The following KIAA1217 variants were observed in gnomAD, a reference collection of about 807,000 sequenced individuals.
The protein encoded by KIAA1217 is KIAA1217.
Under a neutral mutation model 163.9 loss-of-function variants are expected in KIAA1217, and 88 were observed. The ratio of observed to expected loss-of-function variants is 0.54; its 90% CI spans 0.45 to 0.64. KIAA1217 has a LOEUF of 0.64. Ranked by LOEUF, KIAA1217 falls within the 30% of genes least tolerant of loss-of-function variation. KIAA1217 has a pLI of 0.00. For synonymous variants in KIAA1217, 903 were observed against 923.1 expected (o/e 0.98, Z 0.39); for missense variants, 2,372 against 2,475.0 (o/e 0.96, Z 0.88).
At chr10:24,491,330 C>T in intron 6 of KIAA1217, among the ~76,000 whole-genome samples, 1 of 134,104 alleles carries the variant, frequency 7.5e-6, no homozygotes, top group Non-Finnish European at 1.5e-5. Flanking sequence ...CGCTCTGTCT[C>T]CCAGGCTGGA....
chr10:23,985,696 A>G (rs72649703), intron 1 of KIAA1217, among the ~76,000 whole-genome samples: 4,321 of 152,272 alleles, frequency 0.028, 168 homozygotes, highest in East Asian at 0.13. Flanking sequence ...TGAAACAAGT[A>G]TGTGGTTTTC....
intron 2 of KIAA1217, among the ~76,000 whole-genome samples, chr10:24,082,030 C>A (rs2061553505): frequency 6.6e-6 from 1 of 152,140 alleles, no homozygotes; most frequent in Admixed American, 6.6e-5. Context: ...CTCAATCTGG[C>A]ATTCATGTCG....
intron 2 of KIAA1217, among the ~76,000 whole-genome samples, chr10:24,110,467 T>C (rs2062805431): frequency 6.6e-6 from 1 of 152,190 alleles, no homozygotes; most frequent in African/African-American, 2.4e-5. Context: ...TGGCATCCCT[T>C]GAGTGGTGAA....
chr10:23,740,223 GAAAT>G (rs1190354350), intron 1 of KIAA1217, among the ~76,000 whole-genome samples: 2 of 152,152 alleles, frequency 1.3e-5, no homozygotes, highest in African/African-American at 4.8e-5. Context: ...TGCTGATAGA[GAAAT>G]AGATATGTTG....
intron 2 of KIAA1217, among the ~76,000 whole-genome samples, chr10:24,174,500 G>A (rs1476672637): frequency 6.6e-6 from 1 of 152,144 alleles, no homozygotes; most frequent in Non-Finnish European, 1.5e-5. Flanking sequence ...AACCAAGAAA[G>A]GCTTTGGGCT....
At chr10:23,791,645 A>G (rs941178516) in intron 1 of KIAA1217, among the ~76,000 whole-genome samples, 3 of 152,260 alleles carry the variant, frequency 2.0e-5, no homozygotes, top group African/African-American at 7.2e-5. Context: ...GAAAAATTAA[A>G]AAGTAATTTT....
rs751665913 is a variant in KIAA1217, at chr10:24,473,388, G to A, written c.1007G>A (p.Arg336His). The change falls in exon 6 of 21, where the codon CGC becomes CAC. Residue 336 changes from arginine to histidine, a missense_variant. Physicochemically the swap from Arg to His is conservative, Grantham distance 29. Around this residue, in one of 3 missense-constraint regions of KIAA1217, gnomAD observed 1,431 missense variants for 1,470.3 expected, o/e 0.97. Coordinates refer to ENST00000376454, the MANE Select transcript of KIAA1217 (RefSeq NM_019590.5). ...TCCAGAATTCCTTATGGGGGCACCC[G>A]CTCCATGGTTGTTCCTGGCAATGCC... Reference protein sequence around the residue: ...SPSRIPYGGTRSMVVPGNATI... With the variant: ...SPSRIPYGGTHSMVVPGNATI... 2.5e-5 allele frequency: 40 copies of A among 1,612,650 alleles called. No individual in the cohort carries two copies. Among genetic ancestry groups the A allele is most frequent in the East Asian group, 6.7e-5 (3 of 44,822 alleles).
intron 1 of KIAA1217, among the ~76,000 whole-genome samples, chr10:23,834,772 T>A (rs1838369875): frequency 1.3e-5 from 2 of 152,144 alleles, no homozygotes; most frequent in African/African-American, 2.4e-5. Flanking sequence ...ACAACTCCAA[T>A]AATTGTGTTC....
intron 2 of KIAA1217, among the ~76,000 whole-genome samples, chr10:24,045,618 T>C (rs190878391): frequency 2.6e-5 from 4 of 152,298 alleles, no homozygotes; most frequent in Non-Finnish European, 2.9e-5. Context: ...ATCATCGTCA[T>C]ATTTTTAATT....
At chr10:23,886,388 G>C (rs1275844369) in intron 1 of KIAA1217, among the ~76,000 whole-genome samples, 1 of 151,950 alleles carries the variant, frequency 6.6e-6, no homozygotes. Flanking sequence ...CTAGTCAGTT[G>C]CCTTTTAGTC....
chr10:23,724,819 A>G (rs941838052), intron 1 of KIAA1217, among the ~76,000 whole-genome samples: 1 of 152,200 alleles, frequency 6.6e-6, no homozygotes, highest in African/African-American at 2.4e-5. Flanking sequence ...TGCTTTAATT[A>G]ATTGTCATTG....
At chr10:23,882,245 C>T (rs971505609) in intron 1 of KIAA1217, among the ~76,000 whole-genome samples, 1 of 151,868 alleles carries the variant, frequency 6.6e-6, no homozygotes, top group African/African-American at 2.4e-5. Context: ...TGTGACAAAC[C>T]TGAGTCAGTG....
intron 1 of KIAA1217, among the ~76,000 whole-genome samples, chr10:23,708,698 G>A (rs1281559337): frequency 1.3e-5 from 2 of 152,168 alleles, no homozygotes; most frequent in Admixed American, 6.5e-5. Context: ...AAGTTAGGCA[G>A]GGCCTTAACT....
At chr10:24,444,491 C>T (rs2060760776) in intron 5 of KIAA1217, among the ~76,000 whole-genome samples, 2 of 152,306 alleles carry the variant, frequency 1.3e-5, no homozygotes, top group Admixed American at 1.3e-4. Context: ...ATGCAAAAGA[C>T]TGTACACTCT....
At chr10:24,070,487 T>A (rs2061144432) in intron 2 of KIAA1217, among the ~76,000 whole-genome samples, 1 of 152,198 alleles carries the variant, frequency 6.6e-6, no homozygotes. Context: ...GTAATACAAA[T>A]AATACAAGTA....
intron 3 of KIAA1217, among the ~76,000 whole-genome samples, chr10:24,406,720 A>G (rs1430353990): frequency 6.6e-6 from 1 of 152,196 alleles, no homozygotes; most frequent in African/African-American, 2.4e-5. Context: ...AAAGATTTGA[A>G]ATGTGTTGCC....
chr10:23,981,875 A>T lies in KIAA1217; in HGVS notation c.-320-25350A>T, dbSNP rs76477536. Among the ~76,000 whole-genome samples, 1,001 of 152,240 alleles carry T rather than the reference A, an allele frequency of 6.6e-3. 6 individuals are homozygous for T. The highest frequency in any genetic ancestry group is 0.027 in the South Asian group (128 of 4,820). On this transcript the variant is annotated intron_variant, in intron 1 of 18. Transcript: ENST00000376462. ...ATTTTCAGCTACTTCTGTCTCAGGA[A>T]AATTAGTACAGCTGAGTTCACCAGG...
intron 1 of KIAA1217, among the ~76,000 whole-genome samples, chr10:23,911,860 A>G (rs1188979293): frequency 6.6e-6 from 1 of 152,116 alleles, no homozygotes; most frequent in Non-Finnish European, 1.5e-5. Context: ...CAAGAACCCC[A>G]TGGCTCTGTG....
chr10:24,075,856 G>T (rs184443211), intron 2 of KIAA1217, among the ~76,000 whole-genome samples: 20 of 151,980 alleles, frequency 1.3e-4, no homozygotes, highest in African/African-American at 3.9e-4. Flanking sequence ...CACCTGCCTC[G>T]GCCTCCCAAA....
Sources: allele counts gnomAD v4.1 joint callset (sites outside exome capture counted in the v4.1 genomes callset), GRCh38; gene constraint gnomAD v4.1.1; regional missense constraint gnomAD v4.1.1; transcripts MANE v1.5; gene names NCBI Gene and HGNC (gene_info 2026-07-23, HGNC 2026-07-21).